GRB14: variants seen among roughly 807,000 people sequenced by gnomAD.
GRB14 encodes the protein growth factor receptor-bound protein 14.
Under a neutral mutation model 69.1 loss-of-function variants are expected in GRB14, and 38 were observed. The observed-to-expected ratio is 0.55, with a 90% confidence interval of 0.42 to 0.72. The LOEUF is 0.72. Ranked by LOEUF, GRB14 falls within the 30% of genes least tolerant of loss-of-function variation. The pLI is 0.00. For missense variants in GRB14, 666 were observed against 666.1 expected (o/e 1.00, Z 0.00); for synonymous variants, 247 against 241.3 (o/e 1.02, Z -0.22).
chr2:164,506,377 T>C (rs1440771246), intron 8 of GRB14, among the ~76,000 whole-genome samples: 2 of 152,160 alleles, frequency 1.3e-5, no homozygotes, highest in Non-Finnish European at 2.9e-5. Flanking sequence ...AATCATTTGT[T>C]AAAACTTTCT....
intron 3 of GRB14, among the ~76,000 whole-genome samples, chr2:164,546,303 TTA>T (rs1268593924): frequency 2.6e-5 from 4 of 152,170 alleles, no homozygotes; most frequent in African/African-American, 9.7e-5. Flanking sequence ...AAAGAAATGA[TTA>T]TTCATAATTC....
chr2:164,549,650 G>A (rs1688475112), intron 2 of GRB14, among the ~76,000 whole-genome samples: 1 of 151,952 alleles, frequency 6.6e-6, no homozygotes, highest in South Asian at 2.1e-4. Flanking sequence ...ATCACATGAG[G>A]TCAGGAGTTC....
intron 13 of GRB14, 49 bp from the exon 14 acceptor site, chr2:164,493,231 A>G (rs765259691): frequency 3.2e-6 from 5 of 1,557,182 alleles, no homozygotes; most frequent in Non-Finnish European, 3.5e-6. Flanking sequence ...ATTACACAGA[A>G]GGACAATCAT....
intron 2 of GRB14, among the ~76,000 whole-genome samples, chr2:164,596,592 T>C (rs1180676997): frequency 6.6e-6 from 1 of 152,212 alleles, no homozygotes; most frequent in Non-Finnish European, 1.5e-5. Flanking sequence ...TCTTGATGAC[T>C]TGAGGAATTA....
At chr2:164,526,888 A>T in intron 4 of GRB14, 126 bp downstream of exon 4, 1 of 474,306 alleles carries the variant, frequency 2.1e-6, no homozygotes, top group Non-Finnish European at 3.6e-6. Context: ...ATAATTTCAA[A>T]GGACCAGAGT....
intron 2 of GRB14, among the ~76,000 whole-genome samples, chr2:164,600,357 T>C (rs1282514436): frequency 6.6e-6 from 1 of 152,206 alleles, no homozygotes. Context: ...TAGACAATGG[T>C]TATCCTTTAA....
At chr2:164,573,539 T>C (rs761652348) in intron 2 of GRB14, among the ~76,000 whole-genome samples, 9 of 152,204 alleles carry the variant, frequency 5.9e-5, no homozygotes, top group Non-Finnish European at 1.2e-4. Flanking sequence ...ATCAATTTTA[T>C]TCCAATTCTT....
Position 164,565,842 on chromosome 2 carries a change from C to A in GRB14, c.325-18026G>T, listed in dbSNP as rs537689109. 2.6e-5 allele frequency among the ~76,000 whole-genome samples: 4 copies of A among 152,216 alleles called. 1 individual carries two copies. The highest frequency in any genetic ancestry group is 7.2e-5 in the African/African-American group (3 of 41,546). On this transcript the variant is annotated intron_variant, in intron 2 of 13. Coordinates refer to ENST00000263915, the MANE Select transcript of GRB14 (RefSeq NM_004490.3). ...ATACCTTTCTTCTCAAAGATCAAGG[C>A]GTACTTTCTCTGCTACAAAATAGAT...
chr2:164,495,426 T>C (rs1686867248), intron 12 of GRB14, among the ~76,000 whole-genome samples: 1 of 152,086 alleles, frequency 6.6e-6, no homozygotes, highest in Admixed American at 6.6e-5. Context: ...AAAAAACACA[T>C]ACTTTAACCT....
intron 3 of GRB14, among the ~76,000 whole-genome samples, chr2:164,530,776 T>C (rs1337319230): frequency 6.6e-6 from 1 of 152,204 alleles, no homozygotes; most frequent in Non-Finnish European, 1.5e-5. Context: ...TAGTGGGTTG[T>C]AGAAAGCCCT....
intron 2 of GRB14, among the ~76,000 whole-genome samples, chr2:164,563,060 C>T (rs190882574): frequency 2.0e-5 from 3 of 152,170 alleles, no homozygotes; most frequent in Admixed American, 1.3e-4. Flanking sequence ...AGTAACAATG[C>T]CCACTACCAC....
At chr2:164,612,606 T>C (rs1268175279) in intron 2 of GRB14, among the ~76,000 whole-genome samples, 1 of 152,204 alleles carries the variant, frequency 6.6e-6, no homozygotes, top group Non-Finnish European at 1.5e-5. Flanking sequence ...CATAAGCATA[T>C]ACTTATACAA....
intron 2 of GRB14, among the ~76,000 whole-genome samples, chr2:164,553,869 G>A (rs903052189): frequency 6.6e-6 from 1 of 152,016 alleles, no homozygotes; most frequent in African/African-American, 2.4e-5. Context: ...CAGGAGAATC[G>A]CTTGAACCCA....
intron 2 of GRB14, among the ~76,000 whole-genome samples, chr2:164,573,094 T>G (rs1689160415): frequency 6.6e-6 from 1 of 152,222 alleles, no homozygotes; most frequent in Admixed American, 6.5e-5. Flanking sequence ...GGACTTAAAC[T>G]TTTCCATTTC....
intron 8 of GRB14, among the ~76,000 whole-genome samples, 153 bp downstream of exon 8, chr2:164,508,302 T>A (rs1034936360): frequency 6.6e-6 from 1 of 152,256 alleles, no homozygotes; most frequent in Non-Finnish European, 1.5e-5. Flanking sequence ...ATGTTTATCA[T>A]TTAGAATTTT....
At chr2:164,568,071 T>C (rs899363429) in intron 2 of GRB14, among the ~76,000 whole-genome samples, 8 of 152,210 alleles carry the variant, frequency 5.3e-5, no homozygotes, top group Non-Finnish European at 1.2e-4. Context: ...CACAGTGACC[T>C]GAAATCGAGA....
intron 3 of GRB14, among the ~76,000 whole-genome samples, chr2:164,534,724 A>G (rs996429132): frequency 1.3e-5 from 2 of 152,166 alleles, no homozygotes; most frequent in African/African-American, 4.8e-5. Context: ...GTTATTTATC[A>G]TTTATTTCAA....
At chr2:164,616,505 C>G (rs933924047) in intron 2 of GRB14, among the ~76,000 whole-genome samples, 2 of 151,254 alleles carry the variant, frequency 1.3e-5, no homozygotes, top group African/African-American at 4.9e-5. Flanking sequence ...GTACTGAAAG[C>G]CTACAGTATT....
intron 2 of GRB14, among the ~76,000 whole-genome samples, chr2:164,610,844 A>C (rs1690149757): frequency 6.6e-6 from 1 of 151,264 alleles, no homozygotes; most frequent in African/African-American, 2.4e-5. Flanking sequence ...CCAAGGAAAC[A>C]AACTGAGAAA....
Sources: allele counts gnomAD v4.1 joint callset (sites outside exome capture counted in the v4.1 genomes callset), GRCh38; gene constraint gnomAD v4.1.1; transcripts MANE v1.5; gene names NCBI Gene and HGNC (gene_info 2026-07-23, HGNC 2026-07-21).